The following WIPI1 variants were observed in gnomAD, a reference collection of about 807,000 sequenced individuals.
WIPI1 encodes WD repeat domain, phosphoinositide interacting 1.
Under a neutral mutation model 55.3 loss-of-function variants are expected in WIPI1, and 45 were observed. The observed-to-expected ratio is 0.81, with a 90% CI of 0.64 to 1.04. WIPI1 has a LOEUF of 1.04. Among genes scored for constraint, WIPI1 ranks in the 50% least tolerant of loss-of-function variants. WIPI1 has a pLI of 0.00. For synonymous variants in WIPI1, 195 were observed against 217.6 expected, an observed-to-expected ratio of 0.90 and a Z score of 0.92; for missense variants, 445 against 559.0, an observed-to-expected ratio of 0.80 and a Z score of 2.06.
At position 68,433,575 on chromosome 17, in the gene WIPI1, C is replaced by G; in HGVS notation, c.693G>C (p.Arg231Ser). ...KLYEFRRGMK[R>S]YVTISSLVFS... Reference sequence around the variant, plus strand: ...ACACTAGAGAGCTGATTGTCACATACCTACAAGCACAGCAACACATGGGTC... The same window carrying G: ...ACACTAGAGAGCTGATTGTCACATAGCTACAAGCACAGCAACACATGGGTC... Residue 231 changes from arginine to serine, a missense_variant and splice_region_variant, in exon 8 of 13, where the codon AGG becomes AGC. By Grantham distance (110) the Arg-to-Ser change is moderately radical (BLOSUM62 -1). Coordinates refer to ENST00000262139, the MANE Select transcript of WIPI1 (RefSeq NM_017983.7). The G allele has an allele frequency of 2.5e-6, 4 of 1,613,140 alleles. No individual in the cohort carries two copies. Among genetic ancestry groups the G allele is most frequent in the Non-Finnish European group, 3.4e-6 (4 of 1,179,506 alleles).
Position 68,421,819 on chromosome 17 carries a change from A to G in WIPI1, c.1295T>C (p.Ile432Thr). The change falls in exon 13 of 13, where the codon ATA (isoleucine) becomes ACA (threonine). Residue 432 changes from isoleucine (I) to threonine (T), a missense_variant and splice_region_variant. Coordinates refer to ENST00000262139, the MANE Select transcript of WIPI1 (RefSeq NM_017983.7). Reference sequence around the variant, plus strand: ...CTTCTGATTTCCACGGCACAAGATTATCTACCAAAATCAAAACAGAATGGC... The same window carrying G: ...CTTCTGATTTCCACGGCACAAGATTGTCTACCAAAATCAAAACAGAATGGC... ...CLDDENEFPPIILCRGNQKGK... is the reference protein window; with the variant it reads ...CLDDENEFPPTILCRGNQKGK... The G allele has an allele frequency of 1.2e-6, 2 of 1,614,170 alleles. No individual in the cohort carries two copies. Among genetic ancestry groups the G allele is most frequent in the Non-Finnish European group, 8.5e-7 (1 of 1,180,014 alleles).
chr17:68,422,731 C>CAAAAAAAA (rs71142175), intron 12 of WIPI1: 1 of 66,418 alleles, frequency 1.5e-5, no homozygotes, highest in Admixed American at 2.1e-4. Context: ...TCTATCATCT[C>CAAAAAAAA]AAAAAAAAAA....
At chr17:68,440,905 T>C (rs2084046533) in intron 4 of WIPI1, 1 of 152,240 alleles carries the variant, frequency 6.6e-6, no homozygotes, top group Non-Finnish European at 1.5e-5. Context: ...TTTTCAAAAA[T>C]AGAAAGACAT....
chr17:68,454,378 A>T (rs988365286), intron 1 of WIPI1, among the ~76,000 whole-genome samples: 4 of 152,232 alleles, frequency 2.6e-5, no homozygotes, highest in African/African-American at 9.6e-5. Flanking sequence ...TTGTTTCACT[A>T]GCCTAAAAAA....
In WIPI1 at chr17:68,426,241, G is replaced by GT. The variant is rs1177906829; in HGVS notation, c.1193-67dup. 40 of 1,107,420 alleles carry GT rather than the reference G, an allele frequency of 3.6e-5. 1 individual carries two copies. The highest frequency in any genetic ancestry group is 3.0e-4 in the Middle Eastern group (1 of 3,364). 68.6% of individuals were successfully genotyped at this position (1,107,420 alleles called of 1,614,324 possible). On this transcript the variant is annotated intron_variant, in intron 11 of 12. Transcript: ENST00000262139. ...CTGCTTTTATGCCATGACCTGGCGG[G>GT]TGGGGAGCGGGGGCTCAAATAAAGG...
At chr17:68,430,234 A>G in intron 8 of WIPI1, 74 bp from the exon 9 acceptor site, 2 of 1,464,318 alleles carry the variant, frequency 1.4e-6, no homozygotes, top group Non-Finnish European at 9.2e-7. Flanking sequence ...TCCACACCCA[A>G]GCGTCATTAG....
intron 3 of WIPI1, 60 bp downstream of exon 3, chr17:68,450,668 T>C (rs2147989302): frequency 6.5e-7 from 1 of 1,539,824 alleles, no homozygotes; most frequent in South Asian, 1.3e-5. Context: ...AAGATGTCCA[T>C]CTTTTTGTTT....
intron 12 of WIPI1, chr17:68,424,625 T>C (rs3785605): frequency 0.78 from 328,795 of 422,642 alleles, 128,766 homozygotes; most frequent in African/African-American, 0.91. Context: ...CCTGTAATCC[T>C]AGCACTTTGG....
rs750532888 is a variant in WIPI1 at position 68,434,544 on chromosome 17, T to C, written c.692+12A>G. 4.3e-6 allele frequency: 7 copies of C among 1,613,642 alleles called. No homozygotes were observed. Among genetic ancestry groups the C allele is most frequent in the African/African-American group, 2.7e-5 (2 of 75,030 alleles). On this transcript the variant is annotated intron_variant, in intron 7 of 12. Coordinates refer to ENST00000262139, the MANE Select transcript of WIPI1 (RefSeq NM_017983.7). ...CGGGGACTTTAAAATGGGTTTGACA[T>C]TGAACACAGACCTTTTCATCCCTCT...
intron 3 of WIPI1, among the ~76,000 whole-genome samples, chr17:68,446,644 G>A (rs968276074): frequency 3.3e-5 from 5 of 152,134 alleles, no homozygotes; most frequent in African/African-American, 1.2e-4. Flanking sequence ...CACATGCCGT[G>A]GTTAGAACTA....
At chr17:68,426,254 G>GGGGGCCCCCCCCCCCCCCCCCCCCCC in intron 11 of WIPI1, 79 bp from the exon 12 acceptor site, 1 of 816,924 alleles carries the variant, frequency 1.2e-6, no homozygotes, top group Non-Finnish European at 1.9e-6. Flanking sequence ...GGGAGCGGGG[G>GGGGGCCCCCCCCCCCCCCCCCCCCCC]CTCAAATAAA....
At chr17:68,438,759 C>T (rs574851846) in intron 4 of WIPI1, among the ~76,000 whole-genome samples, 2 of 152,316 alleles carry the variant, frequency 1.3e-5, no homozygotes, top group South Asian at 2.1e-4. Flanking sequence ...TGCCACCACG[C>T]CCAGCTAATT....
intron 7 of WIPI1, 69 bp downstream of exon 7, chr17:68,434,487 G>A (rs2083687136): frequency 6.4e-7 from 1 of 1,555,872 alleles, no homozygotes; most frequent in African/African-American, 1.4e-5. Flanking sequence ...CCTCTCCCTA[G>A]ACAGCTGCCA....
At chr17:68,452,156 T>C (rs1481953579) in intron 2 of WIPI1, among the ~76,000 whole-genome samples, 1 of 152,240 alleles carries the variant, frequency 6.6e-6, no homozygotes, top group East Asian at 1.9e-4. Flanking sequence ...TAGACATGCT[T>C]CAACATCATT....
intron 4 of WIPI1, among the ~76,000 whole-genome samples, chr17:68,441,278 AACAG>A (rs749221658): frequency 2.0e-5 from 3 of 152,340 alleles, no homozygotes; most frequent in East Asian, 3.9e-4. Flanking sequence ...GCATGACACA[AACAG>A]ACAGAAAGAA....
At chr17:68,425,934 A>G (rs2083139016) in intron 12 of WIPI1, 141 bp downstream of exon 12, 4 of 679,366 alleles carry the variant, frequency 5.9e-6, no homozygotes, top group Admixed American at 2.6e-5. Context: ...CAAATATCCT[A>G]TGGCTTTCCA....
At position 68,437,016 on chromosome 17, in the gene WIPI1, ATGTG is replaced by A. The variant is rs71142180; in HGVS notation, c.431-541_431-538del. ...CTCAAAAAAAAAAAAATATATATAT[ATGTG>A]TGTGTGTGTGTGTGTGTATATATTG... On this transcript the variant is annotated intron_variant, in intron 4 of 12. Transcript: ENST00000262139. Among the ~76,000 whole-genome samples the A allele has an allele frequency of 4.8e-5, 7 of 144,662 alleles. No homozygotes were observed. The East Asian group carries it at 1.4e-3, about 29-fold the overall frequency. The allele number at this position is 144,662 out of a possible 152,430, so 94.9% of individuals were successfully genotyped here. A position where few individuals can be genotyped will look rare whatever the true frequency, so the allele number is the denominator to read the frequency against.
At chr17:68,422,272 C>G in intron 12 of WIPI1, 1 of 161,618 alleles carries the variant, frequency 6.2e-6, no homozygotes, top group East Asian at 1.6e-4. Context: ...CTAAAAAATA[C>G]AAAAATTAGC....
intron 12 of WIPI1, among the ~76,000 whole-genome samples, chr17:68,424,290 C>T (rs1284665082): frequency 1.3e-5 from 2 of 152,192 alleles, no homozygotes; most frequent in African/African-American, 2.4e-5. Flanking sequence ...GCTCACGCTG[C>T]GACCGACCCG....
Sources: allele counts gnomAD v4.1 joint callset (sites outside exome capture counted in the v4.1 genomes callset), GRCh38; gene constraint gnomAD v4.1.1; transcripts MANE v1.5; gene names NCBI Gene and HGNC (gene_info 2026-07-23, HGNC 2026-07-21).